CKAP2L: variants seen among roughly 807,000 people sequenced by gnomAD.
CKAP2L encodes cytoskeleton-associated protein 2-like.
In CKAP2L, 42 loss-of-function variants were observed where a neutral mutation model predicts 65.7. The observed-to-expected ratio is 0.64, with a 90% CI of 0.50 to 0.83. CKAP2L has a LOEUF of 0.83. Ranked by LOEUF, CKAP2L falls within the 40% of genes least tolerant of loss-of-function variation. The pLI, the probability that CKAP2L is intolerant of heterozygous loss-of-function variation, is 0.00. For synonymous variants in CKAP2L, 325 were observed against 313.5 expected (o/e 1.04, Z -0.39); for missense variants, 908 against 871.0 (o/e 1.04, Z -0.53).
rs186066961 is a variant in CKAP2L, at chr2:112,759,943, G to T, written c.156+770C>A. ...ATGCATATGCATATGACTGAAATAT[G>T]ACTGAAGTGATTTGGTGAATCATTA... On this transcript the variant is annotated intron_variant, in intron 3 of 8. Coordinates refer to ENST00000302450, the MANE Select transcript of CKAP2L (RefSeq NM_152515.5). 3.6e-3 allele frequency among the ~76,000 whole-genome samples: 540 copies of T among 151,272 alleles called. 7 individuals are homozygous for T. The highest frequency in any genetic ancestry group is 0.012 in the African/African-American group (512 of 41,096).
At chr2:112,741,802 C>G (rs1679985547) in intron 7 of CKAP2L, among the ~76,000 whole-genome samples, 1 of 151,964 alleles carries the variant, frequency 6.6e-6, no homozygotes, top group African/African-American at 2.4e-5. Context: ...CTCTTGTTGT[C>G]CAGGCTGGAG....
chr2:112,757,359 A>C, intron 3 of CKAP2L, 145 bp from the exon 4 acceptor site: 1 of 595,446 alleles, frequency 1.7e-6, no homozygotes, highest in Non-Finnish European at 2.8e-6. Flanking sequence ...AAAGTAAAGA[A>C]AGACTCACTA....
intron 3 of CKAP2L, 49 bp downstream of exon 3, chr2:112,760,664 T>A (rs1251684206): frequency 1.1e-6 from 1 of 879,652 alleles, no homozygotes; most frequent in African/African-American, 1.8e-5. Flanking sequence ...TTTTTATTAC[T>A]AATCATACTT....
At chr2:112,764,355 T>G (rs1406529045) in intron 1 of CKAP2L, among the ~76,000 whole-genome samples, 1 of 152,202 alleles carries the variant, frequency 6.6e-6, no homozygotes, top group Non-Finnish European at 1.5e-5. Context: ...CCGTGAGGTA[T>G]CTGGGCCTGC....
In CKAP2L at chr2:112,756,548, A is replaced by C. The variant is rs138942105; in HGVS notation, c.823T>G (p.Ser275Ala). The C allele has an allele frequency of 5.7e-4, 926 of 1,611,056 alleles. No homozygotes were observed. Among genetic ancestry groups the C allele is most frequent in the Non-Finnish European group, 7.7e-4 (904 of 1,179,026 alleles). ...ADLARPGVKP[S>A]RTVPSHFIRT... is the part of the protein sequence containing the mutation. ...ATAAAGTGAGAGGGAACCGTCCTTG[A>C]GGGTTTTACTCCTGGTCTTGCAAGA... The change falls in exon 4 of 9, where the codon TCA (serine) becomes GCA (alanine). Residue 275 changes from serine to alanine, a missense_variant. Transcript: ENST00000302450.
intron 8 of CKAP2L, among the ~76,000 whole-genome samples, 169 bp from the exon 9 acceptor site, chr2:112,739,217 C>A (rs547178334): frequency 2.6e-5 from 4 of 152,032 alleles, no homozygotes; most frequent in Non-Finnish European, 5.9e-5. Flanking sequence ...TCTAGGAGTT[C>A]GAGACCAGCC....
chr2:112,740,151 C>T (rs1309736775), intron 8 of CKAP2L, among the ~76,000 whole-genome samples: 2 of 152,150 alleles, frequency 1.3e-5, no homozygotes, highest in Non-Finnish European at 2.9e-5. Flanking sequence ...AGTTCATCCA[C>T]TTATGAACTG....
Position 112,740,937 on chromosome 2 carries a change from T to A in CKAP2L, c.1893A>T (p.Glu631Asp), listed in dbSNP as rs1337505414. 1 of 1,613,960 alleles carries A rather than the reference T, an allele frequency of 6.2e-7. No individual in the cohort carries two copies. The highest frequency in any genetic ancestry group is 1.3e-5 in the African/African-American group (1 of 74,926). Residue 631 changes from glutamate (E) to aspartate (D), a missense_variant, in exon 8 of 9, where the codon GAA (glutamate) becomes GAT (aspartate). By Grantham distance (45) the Glu-to-Asp change is conservative. Transcript: ENST00000302450. The stretch of plus-strand genomic sequence containing the variant: ...TTGGAGAAAGACAAGACTTCACAGA[T>A]TCCATCTTCTTGGCCAGCTCTTCCA... ...TSVEELAKKM[E>D]SVKSCLSPKE...
At chr2:112,750,315 C>T (rs1278529432) in intron 5 of CKAP2L, among the ~76,000 whole-genome samples, 2 of 152,176 alleles carry the variant, frequency 1.3e-5, no homozygotes, top group Non-Finnish European at 2.9e-5. Context: ...TTACCGCGTG[C>T]TTTCACAGCC....
rs1416351627 is a variant in CKAP2L at position 112,756,660 on chromosome 2, C to G, written c.711G>C (p.Leu237=). The G allele has an allele frequency of 6.2e-7, 1 of 1,602,494 alleles. No homozygotes were observed. Among genetic ancestry groups the G allele is most frequent in the East Asian group, 2.2e-5 (1 of 44,854 alleles). Residue 237 remains leucine, a synonymous_variant, in exon 4 of 9, where the codon CTG becomes CTC. Coordinates refer to ENST00000302450, the MANE Select transcript of CKAP2L (RefSeq NM_152515.5). ...CAAATTGTTTATTAACCCTATCTTTCAGAACAGCACTATTAACTGAACTTT... is the reference window on the plus strand; with the variant it reads ...CAAATTGTTTATTAACCCTATCTTTGAGAACAGCACTATTAACTGAACTTT... ...LGKSSVNSAV[L]KDRVNKQFVG...
rs764680963 is a variant in CKAP2L, at chr2:112,756,767, T to C, written c.604A>G (p.Lys202Glu). 1 of 1,602,788 alleles carries C rather than the reference T, an allele frequency of 6.2e-7. No individual in the cohort carries two copies. Among genetic ancestry groups the C allele is most frequent in the African/African-American group, 1.4e-5 (1 of 73,932 alleles). ...TTTGGCTTACTTCTGGTATATAATTTAGGATCTGGCTTCCTCTCAGGTTCT... is the reference window on the plus strand; with the variant it reads ...TTTGGCTTACTTCTGGTATATAATTCAGGATCTGGCTTCCTCTCAGGTTCT... ...LTEPERKPDP[K>E]LYTRSKPKTD... The change falls in exon 4 of 9, where the codon AAA becomes GAA. Residue 202 changes from lysine to glutamate, a missense_variant. Transcript: ENST00000302450.
Position 112,757,179 on chromosome 2 carries a change from A to T in CKAP2L, c.192T>A (p.Val64=). ...ACCTTTTAGGTTTGACAGGCAAAAC[A>T]ACATGGTTGGTAACATCATTTTTGG... is the stretch of plus-strand genomic sequence containing the variant. The part of the protein sequence containing the change: ...IRPKNDVTNH[V]VLPVKPKRSI... Residue 64 remains valine, a synonymous_variant, in exon 4 of 9, where the codon GTT becomes GTA. Coordinates refer to ENST00000302450, the MANE Select transcript of CKAP2L (RefSeq NM_152515.5). 6.2e-7 allele frequency: 1 copy of T among 1,612,304 alleles called. No homozygotes were observed. The highest frequency in any genetic ancestry group is 8.5e-7 in the Non-Finnish European group (1 of 1,178,990).
intron 2 of CKAP2L, among the ~76,000 whole-genome samples, chr2:112,761,991 C>T (rs762221429): frequency 8.5e-5 from 13 of 152,100 alleles, no homozygotes; most frequent in Non-Finnish European, 1.5e-4. Context: ...ACAAATAACA[C>T]GACAAAGATG....
intron 3 of CKAP2L, among the ~76,000 whole-genome samples, chr2:112,759,393 G>A (rs898978296): frequency 1.3e-5 from 2 of 152,198 alleles, no homozygotes; most frequent in East Asian, 3.8e-4. Context: ...TTATATAACT[G>A]TAATGATGAC....
At chr2:112,743,969 CTG>C (rs763389713) in intron 6 of CKAP2L, among the ~76,000 whole-genome samples, 3 of 152,154 alleles carry the variant, frequency 2.0e-5, no homozygotes, top group Non-Finnish European at 4.4e-5. Flanking sequence ...ACCTGGAACT[CTG>C]TATCAAATAG....
Position 112,757,000 on chromosome 2 carries a change from C to A in CKAP2L, c.371G>T (p.Cys124Phe). 6.2e-7 allele frequency: 1 copy of A among 1,614,202 alleles called. No individual in the cohort carries two copies. Among genetic ancestry groups the A allele is most frequent in the Non-Finnish European group, 8.5e-7 (1 of 1,180,032 alleles). The change falls in exon 4 of 9, where the codon TGT becomes TTT. Residue 124 changes from cysteine to phenylalanine, a missense_variant. Coordinates refer to ENST00000302450, the MANE Select transcript of CKAP2L (RefSeq NM_152515.5). ...TCCTGTTGTGGACGATCCAGCTTCA[C>A]ACTGTTGAAAACTCTTGCTAGAAGG... ...SKPSSKSFQQ[C>F]EAGSSTTGEL...
chr2:112,747,147 G>A (rs1680227800), intron 5 of CKAP2L, among the ~76,000 whole-genome samples: 1 of 151,228 alleles, frequency 6.6e-6, no homozygotes, highest in Non-Finnish European at 1.5e-5. Context: ...CTGGAGTGCA[G>A]TGGTACGATC....
rs1480842281 is a variant in CKAP2L, at chr2:112,758,804, ACACT to A, written c.157-1594_157-1591del. Among the ~76,000 whole-genome samples the A allele has an allele frequency of 2.6e-5, 4 of 152,356 alleles. No individual in the cohort carries two copies. The East Asian group carries it at 7.7e-4, about 29-fold the overall frequency. ...CACTTCTGTGGATTTTAGTATAGCCACACTATTATACAGCAATCACCACTGTCTA... is the reference window on the plus strand; with the variant it reads ...CACTTCTGTGGATTTTAGTATAGCCAATTATACAGCAATCACCACTGTCTA... On this transcript the variant is annotated intron_variant, in intron 3 of 8. Transcript: ENST00000302450.
chr2:112,764,484 C>T, intron 1 of CKAP2L, 78 bp downstream of exon 1: 1 of 1,500,528 alleles, frequency 6.7e-7, no homozygotes, highest in Non-Finnish European at 9.3e-7. Flanking sequence ...TCCCGCGGGA[C>T]GAACTCACTC....
Sources: gnomAD v4.1 joint callset for allele counts (sites outside exome capture counted in the v4.1 genomes callset) on GRCh38, gnomAD v4.1.1 for gene constraint, MANE v1.5 for transcripts, NCBI Gene and HGNC (gene_info 2026-07-23, HGNC 2026-07-21) for gene names.